The following LMO1 variants were observed in gnomAD, a reference collection of about 807,000 sequenced individuals.
LMO1 encodes rhombotin-1.
A neutral mutation model predicts 18.0 loss-of-function variants in LMO1; 10 were observed. That is an observed-to-expected ratio of 0.55 (90% CI 0.34 to 0.94). The LOEUF (loss-of-function observed/expected upper bound fraction) is 0.94. Ranked by LOEUF, LMO1 falls within the 40% of genes least tolerant of loss-of-function variation. The pLI, the probability that LMO1 is intolerant of heterozygous loss-of-function variation, is 0.02. For synonymous variants in LMO1, 77 were observed against 77.9 expected (o/e 0.99, Z 0.06); for missense variants, 183 against 205.7 (o/e 0.89, Z 0.68).
intron 1 of LMO1, among the ~76,000 whole-genome samples, chr11:8,257,066 T>C (rs1847110215): frequency 6.6e-6 from 1 of 152,208 alleles, no homozygotes. Context: ...TGATTTGTAG[T>C]GTTTGCCAAC....
chr11:8,263,302 G>GGGTGA (rs768135800), intron 1 of LMO1, 36 bp downstream of exon 1: 3 of 1,586,260 alleles, frequency 1.9e-6, no homozygotes, highest in Non-Finnish European at 2.6e-6. Flanking sequence ...GGGGGCGAGG[G>GGGTGA]GGTGAGGGGC....
upstream of LMO1, among the ~76,000 whole-genome samples, chr11:8,266,730 C>T (rs900630975): frequency 6.6e-6 from 1 of 152,182 alleles, no homozygotes; most frequent in Non-Finnish European, 1.5e-5. Flanking sequence ...ATAGTGGGAC[C>T]CAGGGCCTGA....
intron 1 of LMO1, among the ~76,000 whole-genome samples, chr11:8,243,264 G>A (rs12803261): frequency 5.9e-5 from 9 of 152,210 alleles, no homozygotes; most frequent in East Asian, 3.8e-4. Flanking sequence ...CAAGGCCCAC[G>A]TGAGCCAGAT....
rs189196527 is a variant in LMO1, at chr11:8,224,774, G to C, written c.366-53C>G. On this transcript the variant is annotated intron_variant, in intron 3 of 3. Transcript: ENST00000335790. ...CCATGGGAAGGTCCCAGTGGGTAAG[G>C]GGGGGGCTGCAGACAGAAGCCGGCC... The C allele has an allele frequency of 6.4e-4, 791 of 1,239,186 alleles. 3 individuals are homozygous for C. In the African/African-American group the frequency reaches 7.4e-3, roughly 12 times the overall value. 76.8% of individuals were successfully genotyped at this position (1,239,186 alleles called of 1,614,324 possible).
chr11:8,245,734 A>C (rs973865980), intron 1 of LMO1, among the ~76,000 whole-genome samples: 1 of 152,218 alleles, frequency 6.6e-6, no homozygotes, highest in Non-Finnish European at 1.5e-5. Flanking sequence ...AATATCCCCA[A>C]ACACAGAGTT....
chr11:8,233,259 T>G (rs1952701671), intron 1 of LMO1, among the ~76,000 whole-genome samples: 1 of 151,956 alleles, frequency 6.6e-6, no homozygotes, highest in Admixed American at 6.5e-5. Context: ...TAGAGACCCT[T>G]GGGTCTAGAG....
intron 2 of LMO1, among the ~76,000 whole-genome samples, chr11:8,227,812 C>T (rs1452613487): frequency 6.6e-6 from 1 of 152,184 alleles, no homozygotes; most frequent in African/African-American, 2.4e-5. Flanking sequence ...GCTTTTCCCA[C>T]CTTTAACATT....
chr11:8,246,335 C>T (rs1565183412), intron 1 of LMO1, among the ~76,000 whole-genome samples: 1 of 152,162 alleles, frequency 6.6e-6, no homozygotes, highest in Non-Finnish European at 1.5e-5. Flanking sequence ...ATGGTATATA[C>T]ATACAATGGA....
chr11:8,233,034 C>T (rs1448507516), intron 1 of LMO1, among the ~76,000 whole-genome samples: 1 of 152,240 alleles, frequency 6.6e-6, no homozygotes, highest in Non-Finnish European at 1.5e-5. Context: ...CTGCCAGCCG[C>T]CGCAGGTCCC....
intron 3 of LMO1, among the ~76,000 whole-genome samples, chr11:8,226,374 G>A (rs578230407): frequency 1.3e-5 from 2 of 152,224 alleles, no homozygotes; most frequent in South Asian, 4.2e-4. Flanking sequence ...TTAGCCAGGC[G>A]TGGTGGCACA....
intron 1 of LMO1, among the ~76,000 whole-genome samples, chr11:8,242,978 T>C (rs484161): frequency 0.36 from 55,375 of 152,188 alleles, 11,578 homozygotes; most frequent in East Asian, 0.8. Context: ...AAGCTGGACC[T>C]AGGCAGCTGC....
intron 1 of LMO1, among the ~76,000 whole-genome samples, chr11:8,243,117 C>T (rs1007167707): frequency 6.6e-6 from 1 of 152,086 alleles, no homozygotes; most frequent in Admixed American, 6.5e-5. Flanking sequence ...GGGATGGAAA[C>T]CCCTTTGGCT....
At chr11:8,227,464 G>A (rs964311229) in intron 2 of LMO1, among the ~76,000 whole-genome samples, 2 of 152,186 alleles carry the variant, frequency 1.3e-5, no homozygotes, top group African/African-American at 2.4e-5. Flanking sequence ...TGAATCTTGG[G>A]TTGTGTGCCC....
Position 8,234,168 on chromosome 11 carries a change from A to G in LMO1, c.26-3664T>C, listed in dbSNP as rs1335980056. ...CTGAACTCCAACCCCTACCTCTAGC[A>G]GGGGGTGGAGGCAGGGCTGCTGGTG... On this transcript the variant is annotated intron_variant, in intron 1 of 3. Transcript: ENST00000335790. 2.0e-5 allele frequency among the ~76,000 whole-genome samples: 3 copies of G among 152,094 alleles called. No individual in the cohort carries two copies. In the East Asian group the frequency reaches 5.8e-4, roughly 29 times the overall value.
intron 3 of LMO1, among the ~76,000 whole-genome samples, chr11:8,224,963 G>A (rs912109084): frequency 6.6e-6 from 1 of 152,178 alleles, no homozygotes; most frequent in African/African-American, 2.4e-5. Context: ...CAGACAGACA[G>A]TTGGGCCACA....
intron 1 of LMO1, among the ~76,000 whole-genome samples, chr11:8,260,002 T>G (rs1847159249): frequency 1.3e-5 from 2 of 152,184 alleles, no homozygotes; most frequent in Admixed American, 6.5e-5. Context: ...ACCTTCCTGC[T>G]GGGCCTTTGC....
At chr11:8,227,857 T>TG (rs1380444417) in intron 2 of LMO1, among the ~76,000 whole-genome samples, 1 of 152,190 alleles carries the variant, frequency 6.6e-6, no homozygotes, top group East Asian at 1.9e-4. Flanking sequence ...AAAATAGAGA[T>TG]GGGGTCTCAC....
chr11:8,263,047 C>T (rs191910703), intron 1 of LMO1, among the ~76,000 whole-genome samples: 3 of 152,086 alleles, frequency 2.0e-5, no homozygotes, highest in East Asian at 3.9e-4. Context: ...CGCGCGGCCC[C>T]GCGGCGCAGC....
intron 1 of LMO1, among the ~76,000 whole-genome samples, chr11:8,233,042 C>A (rs1441037196): frequency 6.6e-6 from 1 of 152,196 alleles, no homozygotes; most frequent in East Asian, 1.9e-4. Context: ...CGCCGCAGGT[C>A]CCCCTCCCCA....
Sources: allele counts gnomAD v4.1 joint callset (sites outside exome capture counted in the v4.1 genomes callset), GRCh38; gene constraint gnomAD v4.1.1; transcripts MANE v1.5; gene names NCBI Gene and HGNC (gene_info 2026-07-23, HGNC 2026-07-21).